Variants in SEZ6L observed in about 807,000 individuals in gnomAD.
The protein encoded by SEZ6L is seizure related 6 homolog like.
A neutral mutation model predicts 106.2 loss-of-function variants in SEZ6L; 37 were observed. The ratio of observed to expected loss-of-function variants is 0.35; its 90% CI spans 0.27 to 0.46. The LOEUF is 0.46. SEZ6L is among the 20% of genes least tolerant of loss of function. SEZ6L has a pLI of 1.00. For missense variants in SEZ6L, 1,172 were observed against 1,332.8 expected, an observed-to-expected ratio of 0.88 and a Z score of 1.88; for synonymous variants, 541 against 570.4, an observed-to-expected ratio of 0.95 and a Z score of 0.73.
intron 5 of SEZ6L, among the ~76,000 whole-genome samples, chr22:26,304,013 T>G (rs1367177328): frequency 6.6e-6 from 1 of 152,134 alleles, no homozygotes; most frequent in Non-Finnish European, 1.5e-5. Flanking sequence ...CTGGACTGAC[T>G]GCCACGCTCT....
chr22:26,338,867 C>CTTTTTTTTTTTTTTTTTTTTT (rs71192914), intron 9 of SEZ6L, among the ~76,000 whole-genome samples: 16 of 87,466 alleles, frequency 1.8e-4, no homozygotes, highest in African/African-American at 2.9e-4. Context: ...TTTTTTTTTT[C>CTTTTTTTTTTTTTTTTTTTTT]TTTTTTTTTT....
chr22:26,332,393 A>C (rs2082512933), intron 9 of SEZ6L, among the ~76,000 whole-genome samples: 1 of 149,988 alleles, frequency 6.7e-6, no homozygotes, highest in African/African-American at 2.5e-5. Flanking sequence ...CAGGTTATTC[A>C]CTCACCTCGG....
intron 1 of SEZ6L, among the ~76,000 whole-genome samples, chr22:26,253,320 G>A (rs1019731905): frequency 6.6e-6 from 1 of 152,174 alleles, no homozygotes; most frequent in Non-Finnish European, 1.5e-5. Context: ...AAATGTGTAT[G>A]TTCCCCTGCC....
chr22:26,363,887 T>A lies in SEZ6L; in HGVS notation c.2600-1485T>A, dbSNP rs74717936. Among the ~76,000 whole-genome samples, 761 of 152,330 alleles carry A rather than the reference T, an allele frequency of 5.0e-3. 6 individuals carry two copies. Among genetic ancestry groups the A allele is most frequent in the African/African-American group, 0.018 (737 of 41,566 alleles). ...ACCTAGATGAACCTTGAGGACATTA[T>A]GCTAAGAGAAAGAAGCCAGTCACAG... On this transcript the variant is annotated intron_variant, in intron 12 of 16. Coordinates refer to ENST00000248933, the MANE Select transcript of SEZ6L (RefSeq NM_021115.5).
intron 9 of SEZ6L, among the ~76,000 whole-genome samples, chr22:26,333,507 C>T (rs1266967143): frequency 1.3e-5 from 2 of 151,562 alleles, no homozygotes; most frequent in African/African-American, 2.4e-5. Flanking sequence ...AGAGTCCAGT[C>T]GGGGTTAGGG....
intron 1 of SEZ6L, among the ~76,000 whole-genome samples, chr22:26,288,977 A>T (rs1308865950): frequency 1.3e-5 from 2 of 152,242 alleles, no homozygotes; most frequent in Non-Finnish European, 2.9e-5. Flanking sequence ...CCAATTTAGC[A>T]GGGTTAACAA....
rs1159097459 is a variant in SEZ6L, at chr22:26,222,573, T to A, written c.94+52810T>A. ...GGCTAGGTATTACCATGCCTATCAT[T>A]CTGGAGAAAAAAAACTGAGGATTGG... is the stretch of plus-strand genomic sequence containing the variant. On this transcript the variant is annotated intron_variant, in intron 1 of 16. Transcript: ENST00000248933. Among the ~76,000 whole-genome samples, 2 of 146,380 alleles carry A rather than the reference T, an allele frequency of 1.4e-5. 1 individual carries two copies.
At chr22:26,177,673 C>T (rs967496054) in intron 1 of SEZ6L, among the ~76,000 whole-genome samples, 111 of 152,236 alleles carry the variant, frequency 7.3e-4, no homozygotes, top group Middle Eastern at 3.4e-3. Context: ...GATGTGTATC[C>T]TTAGTCAAGC....
chr22:26,174,303 T>C (rs1041211947), intron 1 of SEZ6L, among the ~76,000 whole-genome samples: 1 of 151,974 alleles, frequency 6.6e-6, no homozygotes, highest in Non-Finnish European at 1.5e-5. Context: ...TACAGTAGGA[T>C]AGGGAAAATC....
intron 12 of SEZ6L, chr22:26,351,552 G>GTTT (rs1569475133): frequency 9.2e-5 from 11 of 119,212 alleles, no homozygotes; most frequent in East Asian, 2.9e-4. Context: ...TTTGTTGGTT[G>GTTT]GTTGGTTGGT....
At chr22:26,248,872 T>C (rs1054485369) in intron 1 of SEZ6L, among the ~76,000 whole-genome samples, 4 of 152,240 alleles carry the variant, frequency 2.6e-5, no homozygotes, top group African/African-American at 7.2e-5. Flanking sequence ...CTGAAGCGGC[T>C]ATGCAAGACT....
chr22:26,337,851 G>A (rs1042427893), intron 9 of SEZ6L, among the ~76,000 whole-genome samples: 2 of 152,194 alleles, frequency 1.3e-5, no homozygotes, highest in Non-Finnish European at 2.9e-5. Flanking sequence ...ACCCCTTGGA[G>A]CAACTTTACA....
At chr22:26,194,533 T>TTAA (rs1270071181) in intron 1 of SEZ6L, among the ~76,000 whole-genome samples, 1 of 152,186 alleles carries the variant, frequency 6.6e-6, no homozygotes, top group Non-Finnish European at 1.5e-5. Flanking sequence ...CACTGTAACT[T>TTAA]TAATCCTGGC....
At chr22:26,210,709 G>A (rs2078132883) in intron 1 of SEZ6L, among the ~76,000 whole-genome samples, 1 of 151,998 alleles carries the variant, frequency 6.6e-6, no homozygotes, top group African/African-American at 2.4e-5. Context: ...AGGACTCCTA[G>A]GGAGACAAAA....
chr22:26,362,056 T>G (rs1941123), intron 12 of SEZ6L, among the ~76,000 whole-genome samples: 105,992 of 151,796 alleles, frequency 0.7, 37,425 homozygotes, highest in East Asian at 0.96. Context: ...AGCACAGGCT[T>G]TAAAAATAAA....
At chr22:26,348,646 A>AAGAAAGAAAGAAAGAAAGAAAAAG (rs1556371589) in intron 11 of SEZ6L, among the ~76,000 whole-genome samples, 2 of 7,694 alleles carry the variant, frequency 2.6e-4, no homozygotes, top group Non-Finnish European at 4.0e-4. Context: ...GAAAGAAAGA[A>AAGAAAGAAAGAAAGAAAGAAAAAG]AAAGAAAGAA....
rs752841877 is a variant in SEZ6L at position 26,296,931 on chromosome 22, G to A, written c.1013G>A (p.Arg338His). 22 of 1,612,752 alleles carry A rather than the reference G, an allele frequency of 1.4e-5. No homozygotes were observed. Among genetic ancestry groups the A allele is most frequent in the Admixed American group, 3.3e-5 (2 of 59,862 alleles). The change falls in exon 4 of 17, where the codon CGC becomes CAC. Residue 338 changes from arginine to histidine, a missense_variant. Physicochemically the swap from Arg to His is conservative, Grantham distance 29. Around this residue, in one of 4 missense-constraint regions of SEZ6L, gnomAD observed 494 missense variants for 445.8 expected, o/e 1.11. Coordinates refer to ENST00000248933, the MANE Select transcript of SEZ6L (RefSeq NM_021115.5). The stretch of plus-strand genomic sequence containing the variant: ...TCCGATGGGGAACTGCTCTCCATCC[G>A]CGGGGTGGACGGCCCTACCCTGACC... ...NLSDGELLSI[R>H]GVDGPTLTVL...
rs377185431 is a variant in SEZ6L at position 26,299,184 on chromosome 22, C to T, written c.1348+15C>T. ...CATCTGCTCAGGTATGCTCCAGCCT[C>T]AGCCGGACCAAACCTGATGGTCCAA... On this transcript the variant is annotated intron_variant, in intron 5 of 16. Transcript: ENST00000248933. 1 of 1,415,568 alleles carries T rather than the reference C, an allele frequency of 7.1e-7. No individual in the cohort carries two copies. Among genetic ancestry groups the T allele is most frequent in the Non-Finnish European group, 9.3e-7 (1 of 1,074,912 alleles). The allele number at this position is 1,415,568 out of a possible 1,614,324, so 87.7% of individuals were successfully genotyped here.
At chr22:26,211,998 C>G (rs1428658985) in intron 1 of SEZ6L, among the ~76,000 whole-genome samples, 2 of 151,802 alleles carry the variant, frequency 1.3e-5, no homozygotes, top group African/African-American at 4.8e-5. Flanking sequence ...TCAGCTAGAC[C>G]TGATGGCTGG....
Sources: gnomAD v4.1 joint callset for allele counts (sites outside exome capture counted in the v4.1 genomes callset) on GRCh38, gnomAD v4.1.1 for gene constraint, gnomAD v4.1.1 regional missense constraint, MANE v1.5 for transcripts, NCBI Gene and HGNC (gene_info 2026-07-23, HGNC 2026-07-21) for gene names.